WWOX: variants seen among roughly 807,000 people sequenced by gnomAD.
WWOX encodes WW domain containing oxidoreductase, also known as WW domain-containing oxidoreductase.
In WWOX, 69 loss-of-function variants were observed where a neutral mutation model predicts 46.2. That is an observed-to-expected ratio of 1.49 (90% CI 1.23 to 1.82). The LOEUF is 1.82. Ranked by LOEUF, WWOX falls within the 40% of genes most tolerant of loss-of-function variation. The pLI is 0.00. For missense variants in WWOX, 919 were observed against 542.6 expected (o/e 1.69, Z -6.89); for synonymous variants, 359 against 202.6 (o/e 1.77, Z -6.56).
chr16:79,114,172 A>T (rs2150662625), intron 8 of WWOX, among the ~76,000 whole-genome samples: 1 of 152,214 alleles, frequency 6.6e-6, no homozygotes, highest in East Asian at 1.9e-4. Context: ...AAGTGCATCT[A>T]TTATGGGTTG....
intron 8 of WWOX, among the ~76,000 whole-genome samples, chr16:78,593,013 G>A (rs531618848): frequency 6.6e-6 from 1 of 152,286 alleles, no homozygotes; most frequent in East Asian, 1.9e-4. Flanking sequence ...TGCCAGGGAG[G>A]CTGGAAAGTA....
intron 5 of WWOX, among the ~76,000 whole-genome samples, chr16:78,339,089 G>A (rs1377958870): frequency 8.3e-6 from 1 of 119,910 alleles, no homozygotes; most frequent in Admixed American, 8.1e-5. Flanking sequence ...GCCCCATGAT[G>A]ATGTGCATCT....
intron 8 of WWOX, among the ~76,000 whole-genome samples, chr16:79,122,579 T>A (rs965078193): frequency 6.6e-6 from 1 of 151,902 alleles, no homozygotes; most frequent in Non-Finnish European, 1.5e-5. Context: ...TCTTTCCCTC[T>A]CTCTTTCTCC....
At chr16:78,810,056 G>A (rs1488121463) in intron 8 of WWOX, among the ~76,000 whole-genome samples, 1 of 152,102 alleles carries the variant, frequency 6.6e-6, no homozygotes, top group African/African-American at 2.4e-5. Context: ...ATGCTTCCTG[G>A]TAATCCTTCA....
rs559637485 is a variant in WWOX at position 78,720,994 on chromosome 16, G to C, written c.1056+288242G>C. 2.0e-5 allele frequency among the ~76,000 whole-genome samples: 3 copies of C among 152,226 alleles called. No individual in the cohort carries two copies. The East Asian group carries it at 5.8e-4, about 29-fold the overall frequency. On this transcript the variant is annotated intron_variant, in intron 8 of 8. Transcript: ENST00000566780. The stretch of plus-strand genomic sequence containing the variant: ...TAATCACCACCGTGCCTGGAGAGTT[G>C]CCTTTCAGCTGGTGAATTTACTATT...
intron 4 of WWOX, among the ~76,000 whole-genome samples, chr16:78,148,088 C>A (rs947898240): frequency 6.6e-6 from 1 of 152,102 alleles, no homozygotes; most frequent in Non-Finnish European, 1.5e-5. Flanking sequence ...CAATGAGACA[C>A]GTTCAGTAAT....
intron 6 of WWOX, among the ~76,000 whole-genome samples, chr16:78,400,948 G>T (rs1027822368): frequency 2.0e-5 from 3 of 152,254 alleles, no homozygotes; most frequent in Admixed American, 2.0e-4. Context: ...TCAGCCTCCT[G>T]AGTAGTTGGG....
intron 8 of WWOX, among the ~76,000 whole-genome samples, chr16:78,784,839 A>G (rs1224721333): frequency 1.3e-5 from 2 of 152,160 alleles, no homozygotes; most frequent in Admixed American, 6.5e-5. Flanking sequence ...AGGGATACTC[A>G]TGGTTGAAGG....
intron 8 of WWOX, chr16:79,016,335 C>T (rs901747223): frequency 6.6e-6 from 1 of 152,266 alleles, no homozygotes. Context: ...TGGGTGGTTG[C>T]TCCTCCTGCA....
At chr16:78,971,000 A>T (rs1946688045) in intron 8 of WWOX, among the ~76,000 whole-genome samples, 1 of 152,064 alleles carries the variant, frequency 6.6e-6, no homozygotes, top group Admixed American at 6.6e-5. Flanking sequence ...CCAGATTCCC[A>T]TTCTCATGCT....
intron 8 of WWOX, among the ~76,000 whole-genome samples, chr16:79,136,340 C>T (rs1027900472): frequency 2.6e-5 from 4 of 151,982 alleles, no homozygotes; most frequent in African/African-American, 9.7e-5. Flanking sequence ...AAGCGATTCT[C>T]CTGCCTCCGC....
chr16:78,906,769 A>G (rs2044976171), intron 8 of WWOX, among the ~76,000 whole-genome samples: 2 of 152,322 alleles, frequency 1.3e-5, no homozygotes, highest in African/African-American at 2.4e-5. Flanking sequence ...GTTTTTGATC[A>G]TGTGACAAGG....
chr16:78,496,847 T>C (rs552853384), intron 8 of WWOX, among the ~76,000 whole-genome samples: 3 of 152,358 alleles, frequency 2.0e-5, no homozygotes, highest in South Asian at 4.1e-4. Flanking sequence ...AAACCCCTTT[T>C]GCTGTGCCAT....
intron 8 of WWOX, among the ~76,000 whole-genome samples, chr16:78,770,646 G>T (rs2050041526): frequency 6.6e-6 from 1 of 152,122 alleles, no homozygotes. Flanking sequence ...GGAGTGCCGG[G>T]AAACTCCCGC....
At chr16:78,745,367 G>GA (rs1251446314) in intron 8 of WWOX, among the ~76,000 whole-genome samples, 1 of 152,112 alleles carries the variant, frequency 6.6e-6, no homozygotes, top group African/African-American at 2.4e-5. Flanking sequence ...ACTTAGCTTT[G>GA]AAAAACATGA....
intron 8 of WWOX, among the ~76,000 whole-genome samples, chr16:79,211,116 C>T (rs1275637785): frequency 6.6e-6 from 1 of 151,654 alleles, no homozygotes; most frequent in Non-Finnish European, 1.5e-5. Context: ...GTGGGCAAAG[C>T]ATAAAGGGAT....
intron 8 of WWOX, among the ~76,000 whole-genome samples, chr16:78,931,517 G>C (rs1270944262): frequency 6.6e-6 from 1 of 152,198 alleles, no homozygotes; most frequent in Admixed American, 6.5e-5. Context: ...GGATTGCTGG[G>C]CATGTGCTTG....
intron 8 of WWOX, among the ~76,000 whole-genome samples, chr16:78,859,909 C>G (rs546910589): frequency 6.6e-6 from 1 of 152,040 alleles, no homozygotes; most frequent in African/African-American, 2.4e-5. Flanking sequence ...TCCAAGTAGA[C>G]ATATTTTTTG....
At chr16:78,996,627 G>A (rs996409091) in intron 8 of WWOX, among the ~76,000 whole-genome samples, 1 of 152,054 alleles carries the variant, frequency 6.6e-6, no homozygotes, top group Non-Finnish European at 1.5e-5. Flanking sequence ...TTAAGATTAT[G>A]TCCATTCAGG....
Sources: gnomAD v4.1 joint callset for allele counts (sites outside exome capture counted in the v4.1 genomes callset) on GRCh38, gnomAD v4.1.1 for gene constraint, MANE v1.5 for transcripts, NCBI Gene and HGNC (gene_info 2026-07-23, HGNC 2026-07-21) for gene names.